Variants in MIDN observed in about 807,000 individuals in gnomAD.
MIDN encodes the protein midbrain nucleolar protein.
In MIDN, 26 loss-of-function variants were observed where a neutral mutation model predicts 46.1. The observed-to-expected ratio is 0.56, with a 90% CI of 0.41 to 0.78. The LOEUF (loss-of-function observed/expected upper bound fraction) is 0.78, where lower values mean the gene tolerates loss of function less well. Among genes scored for constraint, MIDN ranks in the 30% least tolerant of loss-of-function variants. The pLI is 0.00. For missense variants in MIDN, 850 were observed against 771.8 expected, an observed-to-expected ratio of 1.10 and a Z score of -1.20; for synonymous variants, 432 against 343.3, an observed-to-expected ratio of 1.26 and a Z score of -2.86.
intron 1 of MIDN, among the ~76,000 whole-genome samples, chr19:1,249,183 G>A (rs1268471563): frequency 2.0e-5 from 3 of 148,686 alleles, no homozygotes; most frequent in Non-Finnish European, 3.0e-5. Flanking sequence ...GGGGAAACGG[G>A]TTCTGCCCGC....
intron 4 of MIDN, 45 bp downstream of exon 4, chr19:1,251,946 A>T: frequency 2.6e-6 from 4 of 1,566,220 alleles, no homozygotes; most frequent in Non-Finnish European, 3.5e-6. Flanking sequence ...CCCTGGGAGC[A>T]GGGTGCCTTG....
chr19:1,257,533 T>C lies in MIDN; in HGVS notation c.*261T>C. On this transcript the variant is annotated 3_prime_UTR_variant, in exon 9 of 9. Coordinates refer to ENST00000682408, the MANE Select transcript of MIDN (RefSeq NM_001388306.1). ...GCCCTCCTCTTCCTCCTCCTCCTCC[T>C]CCTCCGTCTGTCTCCTTTCACCTCT... 1 of 443,476 alleles carries C rather than the reference T, an allele frequency of 2.3e-6. No individual in the cohort carries two copies. Among genetic ancestry groups the C allele is most frequent in the Non-Finnish European group, 4.0e-6 (1 of 252,078 alleles). 27.5% of individuals were successfully genotyped at this position (443,476 alleles called of 1,614,324 possible). A position where few individuals can be genotyped will look rare whatever the true frequency, so the allele number is the denominator to read the frequency against.
Position 1,254,328 on chromosome 19 carries a change from C to T in MIDN, c.675C>T (p.Pro225=), listed in dbSNP as rs1253861403. Residue 225 remains proline, a synonymous_variant, in exon 6 of 9, where the codon CCC becomes CCT. Transcript: ENST00000682408. The stretch of plus-strand genomic sequence containing the variant: ...CCGCCGCTGCTGCGCGGGGGGACCC[C>T]AGCATAGCCTCCCCCGTGTCCTCGC... ...AAAAAAARGD[P]SIASPVSSPC... 12 of 1,570,702 alleles carry T rather than the reference C, an allele frequency of 7.6e-6. No individual in the cohort carries two copies. The highest frequency in any genetic ancestry group is 1.7e-4 in the Middle Eastern group (1 of 5,988).
At position 1,258,537 on chromosome 19, in the gene MIDN, A is replaced by T. The variant is rs1314134671; in HGVS notation, c.*1265A>T. The T allele has an allele frequency of 2.0e-5, 3 of 152,308 alleles. No individual in the cohort carries two copies. Among genetic ancestry groups the T allele is most frequent in the Admixed American group, 6.5e-5 (1 of 15,272 alleles). The allele number at this position is 152,308 out of a possible 1,614,324, so 9.4% of individuals were successfully genotyped here. ...ACTCACTTTTTATTTTTTAATGATA[A>T]TGGAGATGTCTGGACCCTTCCTCAC... is the stretch of plus-strand genomic sequence containing the variant. On this transcript the variant is annotated 3_prime_UTR_variant, in exon 9 of 9. Coordinates refer to ENST00000682408, the MANE Select transcript of MIDN (RefSeq NM_001388306.1).
Position 1,255,279 on chromosome 19 carries a change from G to A in MIDN, c.986-143G>A, listed in dbSNP as rs945205865. On this transcript the variant is annotated intron_variant, in intron 7 of 8. Transcript: ENST00000682408. ...CGCCTGCATACTGGGGACGTGTCCC[G>A]CTCCCGCCCCGTGGTCCCTCGTGCA... The A allele has an allele frequency of 1.9e-5, 23 of 1,224,202 alleles. No individual in the cohort carries two copies. The East Asian group carries it at 3.1e-4, about 16-fold the overall frequency. The allele number at this position is 1,224,202 out of a possible 1,614,324, so 75.8% of individuals were successfully genotyped here.
Position 1,254,904 on chromosome 19 carries a change from G to A in MIDN, c.828G>A (p.Gln276=). ...SHAASTTCPE[Q]MDCSPTASSS... Reference sequence around the variant, plus strand: ...CATGTGCCCCTTCCTCCCATCAGCAGATGGACTGCTCCCCCACGGCCAGCA... The same window carrying A: ...CATGTGCCCCTTCCTCCCATCAGCAAATGGACTGCTCCCCCACGGCCAGCA... Residue 276 remains glutamine, a splice_region_variant and synonymous_variant, in exon 7 of 9, where the codon CAG becomes CAA. Transcript: ENST00000682408. 1 of 1,603,042 alleles carries A rather than the reference G, an allele frequency of 6.2e-7. No individual in the cohort carries two copies. Among genetic ancestry groups the A allele is most frequent in the Non-Finnish European group, 8.5e-7 (1 of 1,174,276 alleles).
intron 2 of MIDN, 50 bp from the exon 3 acceptor site, chr19:1,251,512 G>T: frequency 6.4e-7 from 1 of 1,564,040 alleles, no homozygotes. Flanking sequence ...CTGCTTCCGC[G>T]TCCCTGTGTC....
intron 8 of MIDN, among the ~76,000 whole-genome samples, chr19:1,256,289 T>C (rs941774661): frequency 3.9e-5 from 6 of 152,154 alleles, no homozygotes; most frequent in Admixed American, 2.0e-4. Flanking sequence ...CGAGACCATC[T>C]TGGCTAACAT....
intron 4 of MIDN, among the ~76,000 whole-genome samples, 160 bp downstream of exon 4, chr19:1,252,061 C>T (rs931533005): frequency 6.6e-6 from 1 of 151,842 alleles, no homozygotes; most frequent in Non-Finnish European, 1.5e-5. Flanking sequence ...CTCCCCACCT[C>T]CTCTCCCCCA....
In MIDN at chr19:1,258,768, G is replaced by A. The variant is rs573050129; in HGVS notation, c.*1496G>A. 2 of 151,148 alleles carry A rather than the reference G, an allele frequency of 1.3e-5. No individual in the cohort carries two copies. The highest frequency in any genetic ancestry group is 4.2e-4 in the South Asian group (2 of 4,804). The allele number at this position is 151,148 out of a possible 1,614,324, so 9.4% of individuals were successfully genotyped here. On this transcript the variant is annotated 3_prime_UTR_variant, in exon 9 of 9. Transcript: ENST00000682408. ...CAGAGGGTAGAGCTCAAGGATTTTG[G>A]GTTTTGTTTTGTTTTCATTTTTCCA...
Position 1,250,196 on chromosome 19 carries a change from C to T in MIDN, c.-101C>T, listed in dbSNP as rs1191322402. 3.9e-5 allele frequency: 15 copies of T among 380,118 alleles called. No homozygotes were observed. The highest frequency in any genetic ancestry group is 5.1e-5 in the Non-Finnish European group (14 of 276,936). The allele number at this position is 380,118 out of a possible 1,614,324, so 23.5% of individuals were successfully genotyped here. On this transcript the variant is annotated 5_prime_UTR_variant, in exon 2 of 9. Coordinates refer to ENST00000682408, the MANE Select transcript of MIDN (RefSeq NM_001388306.1). ...GCGCGCTGCTCCGCGCCCCCGAGTG[C>T]CCGGAGGACCCGGCATCCGGGGAGC... is the stretch of plus-strand genomic sequence containing the variant.
At chr19:1,255,200 A>G in intron 7 of MIDN, 139 bp downstream of exon 7, 1 of 1,195,968 alleles carries the variant, frequency 8.4e-7, no homozygotes, top group Non-Finnish European at 1.2e-6. Flanking sequence ...CATGTCCCCC[A>G]GGAATCCCCC....
At position 1,257,538 on chromosome 19, in the gene MIDN, C is replaced by CT. The variant is rs113517572; in HGVS notation, c.*266_*267insT. The CT allele has an allele frequency of 9.3e-6, 4 of 430,094 alleles. No homozygotes were observed. Among genetic ancestry groups the CT allele is most frequent in the African/African-American group, 4.3e-5 (2 of 46,910 alleles). The allele number at this position is 430,094 out of a possible 1,614,324, so 26.6% of individuals were successfully genotyped here. A position where few individuals can be genotyped will look rare whatever the true frequency, so the allele number is the denominator to read the frequency against. Reference sequence around the variant, plus strand: ...CCTCTTCCTCCTCCTCCTCCTCCTCCGTCTGTCTCCTTTCACCTCTGCGCC... The same window carrying CT: ...CCTCTTCCTCCTCCTCCTCCTCCTCCTGTCTGTCTCCTTTCACCTCTGCGCC... On this transcript the variant is annotated 3_prime_UTR_variant, in exon 9 of 9. Coordinates refer to ENST00000682408, the MANE Select transcript of MIDN (RefSeq NM_001388306.1).
At chr19:1,252,404 C>T (rs1048946343) in intron 4 of MIDN, among the ~76,000 whole-genome samples, 1 of 141,716 alleles carries the variant, frequency 7.1e-6, no homozygotes, top group East Asian at 2.2e-4. Context: ...GGCCTTTGTT[C>T]TCTACCCCGA....
chr19:1,252,595 C>G (rs2081145287), intron 4 of MIDN, among the ~76,000 whole-genome samples: 1 of 152,062 alleles, frequency 6.6e-6, no homozygotes, highest in Non-Finnish European at 1.5e-5. Flanking sequence ...TGCGGCCAAG[C>G]CTTCCTCAGA....
chr19:1,252,170 C>T (rs1003434525), intron 4 of MIDN, among the ~76,000 whole-genome samples: 5 of 152,320 alleles, frequency 3.3e-5, no homozygotes, highest in African/African-American at 4.8e-5. Flanking sequence ...ATGACCTTGG[C>T]CTATGGGGCC....
intron 2 of MIDN, 55 bp from the exon 3 acceptor site, chr19:1,251,507 T>C: frequency 1.3e-6 from 2 of 1,552,494 alleles, no homozygotes; most frequent in Non-Finnish European, 1.8e-6. Context: ...GGCCTCTGCT[T>C]CCGCGTCCCT....
rs1212073058 is a variant in MIDN, at chr19:1,257,593, G to C, written c.*321G>C. 2.2e-5 allele frequency: 7 copies of C among 322,218 alleles called. No homozygotes were observed. Among genetic ancestry groups the C allele is most frequent in the Non-Finnish European group, 4.0e-5 (7 of 175,336 alleles). 20.0% of individuals were successfully genotyped at this position (322,218 alleles called of 1,614,324 possible). ...CGGTCCTCCCTGCCAACCTTCCCCA[G>C]CTCCAATATGTAGCAGTCTCTCTGG... On this transcript the variant is annotated 3_prime_UTR_variant, in exon 9 of 9. Transcript: ENST00000682408.
At position 1,257,666 on chromosome 19, in the gene MIDN, C is replaced by T. The variant is rs1018875369; in HGVS notation, c.*394C>T. The stretch of plus-strand genomic sequence containing the variant: ...GAGAAACGCGCCCCATCCCTTCCGC[C>T]GCCTCCTTTCCCCCCCGACCCTATT... On this transcript the variant is annotated 3_prime_UTR_variant, in exon 9 of 9. Transcript: ENST00000682408. The T allele has an allele frequency of 6.9e-5, 14 of 203,522 alleles. No individual in the cohort carries two copies. The highest frequency in any genetic ancestry group is 1.1e-4 in the Admixed American group (2 of 17,550). The allele number at this position is 203,522 out of a possible 1,614,324, so 12.6% of individuals were successfully genotyped here.
Sources: gnomAD v4.1 joint callset for allele counts (sites outside exome capture counted in the v4.1 genomes callset) on GRCh38, gnomAD v4.1.1 for gene constraint, MANE v1.5 for transcripts, NCBI Gene and HGNC (gene_info 2026-07-23, HGNC 2026-07-21) for gene names.